The following PKHD1 variants were observed in gnomAD, a reference collection of about 807,000 sequenced individuals.
PKHD1 encodes PKHD1 ciliary IPT domain containing fibrocystin/polyductin, also known as fibrocystin.
A neutral mutation model predicts 412.0 loss-of-function variants in PKHD1; 291 were observed. The observed-to-expected ratio is 0.71, with a 90% CI of 0.64 to 0.78. The LOEUF (loss-of-function observed/expected upper bound fraction) is 0.78. Ranked by LOEUF, PKHD1 falls within the 30% of genes least tolerant of loss-of-function variation. The probability of loss-of-function intolerance (pLI) is 0.00; values close to 1 mark genes in which losing one functional copy is unlikely to be tolerated. For missense variants in PKHD1, 4,825 were observed against 4,950.7 expected (o/e 0.97, Z 0.76); for synonymous variants, 1,777 against 1,821.5 (o/e 0.98, Z 0.62).
At chr6:51,994,137 T>TC (rs1172867242) in intron 35 of PKHD1, among the ~76,000 whole-genome samples, 1 of 116,476 alleles carries the variant, frequency 8.6e-6, no homozygotes, top group Admixed American at 1.0e-4. Context: ...TTTTTTTCTT[T>TC]CTTTTTTTTT....
chr6:51,811,617 A>G (rs751044971), intron 52 of PKHD1, among the ~76,000 whole-genome samples: 14 of 152,198 alleles, frequency 9.2e-5, no homozygotes, highest in Non-Finnish European at 1.8e-4. Context: ...AATCACTTTT[A>G]TGATCTCTAT....
At position 51,619,275 on chromosome 6, in the gene PKHD1, G is replaced by A. The variant is rs1158596226; in HGVS notation, c.12031C>T (p.Leu4011=). ...AGCAGCAGCTGATTTTGGCCTGCCA[G>A]CTGGTATCTGAGCAACTGCTCTTGG... ...EGQEQLLRYQ[L]AGQNQLLLLC... is the part of the protein sequence containing the mutation. Residue 4011 remains leucine (L), a synonymous_variant, in exon 67 of 67, where the codon CTG becomes TTG. Coordinates refer to ENST00000371117, the MANE Select transcript of PKHD1 (RefSeq NM_138694.4). 6.2e-7 allele frequency: 1 copy of A among 1,614,242 alleles called. No homozygotes were observed. The highest frequency in any genetic ancestry group is 8.5e-7 in the Non-Finnish European group (1 of 1,180,042).
At chr6:52,077,938 T>C (rs1314127379) in intron 5 of PKHD1, among the ~76,000 whole-genome samples, 2 of 141,194 alleles carry the variant, frequency 1.4e-5, no homozygotes, top group African/African-American at 2.6e-5. Context: ...GACTATATCA[T>C]AGGAGCTTAG....
chr6:51,939,877 C>T (rs936525587), intron 36 of PKHD1, among the ~76,000 whole-genome samples: 1 of 151,626 alleles, frequency 6.6e-6, no homozygotes, highest in Non-Finnish European at 1.5e-5. Context: ...TCTGCTCCCC[C>T]ACCCTATAAT....
intron 35 of PKHD1, among the ~76,000 whole-genome samples, chr6:51,962,921 A>G (rs1792286673): frequency 6.6e-6 from 1 of 152,136 alleles, no homozygotes; most frequent in African/African-American, 2.4e-5. Context: ...CAAATGAAGC[A>G]GAGACTTGGT....
At chr6:51,748,749 G>T in intron 57 of PKHD1, 84 bp from the exon 58 acceptor site, 1 of 1,098,612 alleles carries the variant, frequency 9.1e-7, no homozygotes. Flanking sequence ...ATTAAGATAT[G>T]AACATTTTTA....
chr6:51,620,878 C>T (rs1390421649), intron 66 of PKHD1, among the ~76,000 whole-genome samples: 1 of 151,060 alleles, frequency 6.6e-6, no homozygotes, highest in Non-Finnish European at 1.5e-5. Context: ...TTCCATGACA[C>T]ATCTACTAAT....
chr6:51,870,616 C>A lies in PKHD1; in HGVS notation c.7374G>T (p.Gly2458=). 6.2e-7 allele frequency: 1 copy of A among 1,610,222 alleles called. No homozygotes were observed. The highest frequency in any genetic ancestry group is 8.5e-7 in the Non-Finnish European group (1 of 1,176,688). The part of the protein sequence containing the change: ...AHKGSLCMSS[G]IKTPKRWELM... ...GTTCCCATCTTTTAGGAGTTTTAATCCCAGATGACATACACAGACTTCCCT... is the reference window on the plus strand; with the variant it reads ...GTTCCCATCTTTTAGGAGTTTTAATACCAGATGACATACACAGACTTCCCT... Residue 2458 remains glycine, a synonymous_variant, in exon 47 of 67, where the codon GGG becomes GGT. Transcript: ENST00000371117.
rs577542814 is a variant in PKHD1 at position 52,053,135 on chromosome 6, G to A, written c.2081C>T (p.Ala694Val). Residue 694 changes from alanine to valine, a missense_variant, in exon 21 of 67, where the codon GCC becomes GTC. Ala to Val is a moderately conservative substitution (Grantham distance 64). Transcript: ENST00000371117. ...CACATAGAACAGGCCCGTCTCCTGG[G>A]CCAGAGGGAGAAGGTTGATCTGATG... ...LVHQINLLPLAQETGLFYVDE... is the reference protein window; with the variant it reads ...LVHQINLLPLVQETGLFYVDE... 1.9e-6 allele frequency: 3 copies of A among 1,614,162 alleles called. No individual in the cohort carries two copies. In the African/African-American group the frequency reaches 4.0e-5, roughly 22 times the overall value.
chr6:51,939,222 C>A (rs551106395), intron 36 of PKHD1, among the ~76,000 whole-genome samples: 1 of 151,154 alleles, frequency 6.6e-6, no homozygotes, highest in Non-Finnish European at 1.5e-5. Context: ...GGCAAGAACC[C>A]CCCCAACCCC....
chr6:52,082,373 TATTCCCAGACA>T lies in PKHD1; in HGVS notation c.281+8_281+18del. Reference sequence around the variant, plus strand: ...AATCCCTCATCCTGTCTGGTCTTCCTATTCCCAGACAGGTATACCTGGTCCGGCATGTCACC... The same window carrying T: ...AATCCCTCATCCTGTCTGGTCTTCCTGGTATACCTGGTCCGGCATGTCACC... On this transcript the variant is annotated splice_region_variant and intron_variant, in intron 4 of 66. Transcript: ENST00000371117. 1 of 1,612,322 alleles carries T rather than the reference TATTCCCAGACA, an allele frequency of 6.2e-7. No homozygotes were observed. The highest frequency in any genetic ancestry group is 1.3e-5 in the African/African-American group (1 of 75,002).
In PKHD1 at chr6:52,054,153, A is replaced by G. The variant is rs141177165; in HGVS notation, c.1849T>C (p.Tyr617His). 95 of 1,614,074 alleles carry G rather than the reference A, an allele frequency of 5.9e-5. No individual in the cohort carries two copies. In the East Asian group the frequency reaches 2.1e-3, roughly 36 times the overall value. Reference sequence around the variant, plus strand: ...AGGATCTTGTTCATGTGGCCTTTGTATGCAAGACACAGCTATGGACACCAA... The same window carrying G: ...AGGATCTTGTTCATGTGGCCTTTGTGTGCAAGACACAGCTATGGACACCAA... Reference protein sequence around the residue: ...LDQYTHLCLAYKGHMNKILKM... With the variant: ...LDQYTHLCLAHKGHMNKILKM... Residue 617 changes from tyrosine (Y) to histidine (H), a missense_variant, in exon 20 of 67, where the codon TAC becomes CAC. By Grantham distance (83) the Tyr-to-His change is moderately conservative. Transcript: ENST00000371117.
intron 7 of PKHD1, among the ~76,000 whole-genome samples, chr6:52,072,944 A>C (rs1810845885): frequency 1.3e-5 from 2 of 152,250 alleles, no homozygotes; most frequent in African/African-American, 4.8e-5. Context: ...TAATAGTAAC[A>C]CTTTCCACCA....
chr6:51,893,580 T>G lies in PKHD1; in HGVS notation c.6997-6335A>C, dbSNP rs62405974. On this transcript the variant is annotated intron_variant, in intron 43 of 66. Coordinates refer to ENST00000371117, the MANE Select transcript of PKHD1 (RefSeq NM_138694.4). ...TTCATGAGGAAAAACCACATATTTATGCAGGCAGCTGGCAGCTTGCGGGGA... is the reference window on the plus strand; with the variant it reads ...TTCATGAGGAAAAACCACATATTTAGGCAGGCAGCTGGCAGCTTGCGGGGA... Among the ~76,000 whole-genome samples the G allele has an allele frequency of 4.9e-3, 740 of 152,340 alleles. 4 individuals carry two copies. The highest frequency in any genetic ancestry group is 0.01 in the Middle Eastern group (3 of 294).
At chr6:51,883,959 A>G (rs1163295354) in intron 45 of PKHD1, among the ~76,000 whole-genome samples, 1 of 152,206 alleles carries the variant, frequency 6.6e-6, no homozygotes, top group Non-Finnish European at 1.5e-5. Context: ...GAAGGTCCTC[A>G]GAAGATGCTG....
intron 35 of PKHD1, among the ~76,000 whole-genome samples, chr6:52,005,159 A>G (rs1798894238): frequency 6.6e-6 from 1 of 152,102 alleles, no homozygotes; most frequent in African/African-American, 2.4e-5. Context: ...TTGACTATTG[A>G]GTGTGTTGCC....
chr6:51,925,493 C>T (rs573040379), intron 37 of PKHD1, among the ~76,000 whole-genome samples: 151 of 148,524 alleles, frequency 1.0e-3, no homozygotes, highest in Non-Finnish European at 1.7e-3. Context: ...GTATTTCTAA[C>T]GTAATTAACA....
intron 29 of PKHD1, among the ~76,000 whole-genome samples, chr6:52,029,930 G>C (rs961668367): frequency 6.6e-6 from 1 of 152,216 alleles, no homozygotes; most frequent in South Asian, 2.1e-4. Context: ...GAAAAGATAG[G>C]GGAGGAGAAA....
Position 51,921,342 on chromosome 6 carries a change from C to T in PKHD1, c.6122-8766G>A, listed in dbSNP as rs188629653. Reference sequence around the variant, plus strand: ...CCTTTGTGGGTAACCAGACCTTTCTCTCTGGCTGCCCTTAACATTTTTTCC... The same window carrying T: ...CCTTTGTGGGTAACCAGACCTTTCTTTCTGGCTGCCCTTAACATTTTTTCC... On this transcript the variant is annotated intron_variant, in intron 37 of 66. Coordinates refer to ENST00000371117, the MANE Select transcript of PKHD1 (RefSeq NM_138694.4). Among the ~76,000 whole-genome samples the T allele has an allele frequency of 1.5e-4, 23 of 152,312 alleles. No homozygotes were observed. In the East Asian group the frequency reaches 3.9e-3, roughly 26 times the overall value.
Sources: gnomAD v4.1 joint callset for allele counts (sites outside exome capture counted in the v4.1 genomes callset) on GRCh38, gnomAD v4.1.1 for gene constraint, MANE v1.5 for transcripts, NCBI Gene and HGNC (gene_info 2026-07-23, HGNC 2026-07-21) for gene names.